The following RBM33 variants were observed in gnomAD, a reference collection of about 807,000 sequenced individuals.
The protein encoded by RBM33 is RNA-binding protein 33.
A neutral mutation model predicts 132.6 loss-of-function variants in RBM33; 28 were observed. That is an observed-to-expected ratio of 0.21 (90% confidence interval 0.16 to 0.29). RBM33 has a LOEUF of 0.29. Among genes scored for constraint, RBM33 ranks in the 10% least tolerant of loss-of-function variants. The pLI, the probability that RBM33 is intolerant of heterozygous loss-of-function variation, is 1.00. For synonymous variants in RBM33, 634 were observed against 593.0 expected (o/e 1.07, Z -1.01); for missense variants, 1,291 against 1,518.5 (o/e 0.85, Z 2.49).
At chr7:155,674,014 A>G (rs1799105749) in intron 3 of RBM33, among the ~76,000 whole-genome samples, 1 of 121,612 alleles carries the variant, frequency 8.2e-6, no homozygotes, top group African/African-American at 3.3e-5. Context: ...GTACAGTGGC[A>G]CCATCTTGGC....
At chr7:155,767,467 C>G (rs1784153558) in intron 16 of RBM33, among the ~76,000 whole-genome samples, 1 of 152,248 alleles carries the variant, frequency 6.6e-6, no homozygotes, top group African/African-American at 2.4e-5. Context: ...TGCTTTCTTT[C>G]AAGAATCTCT....
At chr7:155,654,185 A>T (rs887842981) in intron 1 of RBM33, among the ~76,000 whole-genome samples, 5 of 152,162 alleles carry the variant, frequency 3.3e-5, no homozygotes, top group African/African-American at 1.2e-4. Context: ...GATTCAAAAT[A>T]CTGATGTTTT....
At chr7:155,737,099 A>G (rs1315285125) in intron 9 of RBM33, among the ~76,000 whole-genome samples, 1 of 152,218 alleles carries the variant, frequency 6.6e-6, no homozygotes, top group Non-Finnish European at 1.5e-5. Context: ...AGGGTTGGAT[A>G]TGTTTACATC....
chr7:155,646,215 CAT>C (rs201458703), intron 1 of RBM33, among the ~76,000 whole-genome samples: 1,770 of 152,216 alleles, frequency 0.012, 19 homozygotes, highest in African/African-American at 0.018. Context: ...GGCTGAATAA[CAT>C]GTGAAGACGT....
chr7:155,769,933 G>A (rs1240240204), intron 16 of RBM33, among the ~76,000 whole-genome samples: 1 of 152,170 alleles, frequency 6.6e-6, no homozygotes, highest in Non-Finnish European at 1.5e-5. Context: ...CTGAGAACAC[G>A]GTTGTTAATC....
chr7:155,742,229 C>CTTT lies in RBM33; in HGVS notation c.2337+134_2337+136dup, dbSNP rs35396377. On this transcript the variant is annotated intron_variant, in intron 13 of 17. Coordinates refer to ENST00000401878, the MANE Select transcript of RBM33 (RefSeq NM_053043.3). ...ATCTTCCCACTTTTTTCACCTGGGTCTTTTTTTTTTTTTAACCTAACAGCC... is the reference window on the plus strand; with the variant it reads ...ATCTTCCCACTTTTTTCACCTGGGTCTTTTTTTTTTTTTTTTAACCTAACAGCC... 1,610 of 692,974 alleles carry CTTT rather than the reference C, an allele frequency of 2.3e-3. 17 individuals are homozygous for CTTT. Among genetic ancestry groups the CTTT allele is most frequent in the African/African-American group, 0.019 (1,008 of 52,176 alleles). The allele number at this position is 692,974 out of a possible 1,614,324, so 42.9% of individuals were successfully genotyped here. A position where few individuals can be genotyped will look rare whatever the true frequency, so the allele number is the denominator to read the frequency against.
intron 14 of RBM33, among the ~76,000 whole-genome samples, chr7:155,746,895 T>C (rs928254254): frequency 1.2e-4 from 18 of 152,204 alleles, no homozygotes; most frequent in Non-Finnish European, 2.1e-4. Flanking sequence ...AAATAACTTA[T>C]CTCTTTTAGT....
At chr7:155,672,434 A>G (rs933560322) in intron 2 of RBM33, among the ~76,000 whole-genome samples, 2 of 152,176 alleles carry the variant, frequency 1.3e-5, no homozygotes, top group African/African-American at 4.8e-5. Context: ...TAATAAAGAA[A>G]GAGGAAAGCA....
Position 155,669,886 on chromosome 7 carries a change from G to A in RBM33, c.123-2981G>A, listed in dbSNP as rs531226049. 6.4e-4 allele frequency among the ~76,000 whole-genome samples: 98 copies of A among 152,274 alleles called. 2 individuals are homozygous for A. In the South Asian group the frequency reaches 0.019, roughly 30 times the overall value. On this transcript the variant is annotated intron_variant, in intron 2 of 17. Transcript: ENST00000401878. ...CTACTTGGTGACGTTATGTTGGTGC[G>A]TCCCAATGGGCGAATCCATCTGGAA...
At chr7:155,673,565 C>CAT (rs372950895) in intron 3 of RBM33, among the ~76,000 whole-genome samples, 9,798 of 76,128 alleles carry the variant, frequency 0.13, 2,202 homozygotes, top group Middle Eastern at 0.16. Flanking sequence ...TATATACACA[C>CAT]ATATACATAC....
At chr7:155,690,513 A>G (rs1463369036) in intron 5 of RBM33, among the ~76,000 whole-genome samples, 1 of 152,114 alleles carries the variant, frequency 6.6e-6, no homozygotes, top group Admixed American at 6.6e-5. Context: ...TGTCATTATG[A>G]TGTTAGCTGG....
intron 5 of RBM33, among the ~76,000 whole-genome samples, chr7:155,686,058 G>T (rs925684884): frequency 6.6e-6 from 1 of 152,130 alleles, no homozygotes; most frequent in Non-Finnish European, 1.5e-5. Flanking sequence ...TTTTGTGTGT[G>T]TGTGCTTTCT....
At position 155,664,369 on chromosome 7, in the gene RBM33, A is replaced by C. The variant is rs866297508; in HGVS notation, c.44-806A>C. Among the ~76,000 whole-genome samples the C allele has an allele frequency of 4.0e-5, 6 of 151,258 alleles. 1 individual carries two copies. The highest frequency in any genetic ancestry group is 6.3e-3 in the Middle Eastern group (2 of 316). On this transcript the variant is annotated intron_variant, in intron 1 of 17. Transcript: ENST00000401878. The stretch of plus-strand genomic sequence containing the variant: ...CCGGTTCAAGCGATTCTCCTGCCTC[A>C]GCCTCCCAAGTAGCTGGGATAGCTG...
chr7:155,711,145 C>CT (rs775679918), intron 7 of RBM33, 58 bp from the exon 8 acceptor site: 1 of 1,440,120 alleles, frequency 6.9e-7, no homozygotes, highest in Admixed American at 3.0e-5. Context: ...TTTCGGTGAA[C>CT]TTTTGTTTTT....
At chr7:155,734,882 G>A (rs1243816950) in intron 9 of RBM33, among the ~76,000 whole-genome samples, 2 of 149,222 alleles carry the variant, frequency 1.3e-5, no homozygotes, top group Non-Finnish European at 3.0e-5. Flanking sequence ...GTGTCATTCT[G>A]AGAAGCATCA....
Position 155,745,849 on chromosome 7 carries a change from G to A in RBM33, c.2979+247G>A, listed in dbSNP as rs539840153. 29 of 506,178 alleles carry A rather than the reference G, an allele frequency of 5.7e-5. No homozygotes were observed. Among genetic ancestry groups the A allele is most frequent in the African/African-American group, 5.4e-4 (28 of 52,254 alleles). 31.4% of individuals were successfully genotyped at this position (506,178 alleles called of 1,614,324 possible). ...CTAGAATGTACTTCCATACACAGAC[G>A]GTACAGCCTGCTGCACACCTAGGCT... is the stretch of plus-strand genomic sequence containing the variant. On this transcript the variant is annotated intron_variant, in intron 14 of 17. Coordinates refer to ENST00000401878, the MANE Select transcript of RBM33 (RefSeq NM_053043.3). The surrounding 1 kb of genome is among the most constrained non-coding windows in gnomAD (Gnocchi z 4.1).
chr7:155,654,105 CA>C (rs1798428961), intron 1 of RBM33, among the ~76,000 whole-genome samples: 1 of 152,132 alleles, frequency 6.6e-6, no homozygotes, highest in South Asian at 2.1e-4. Context: ...TTTTAAAAAC[CA>C]AACTTATTAA....
chr7:155,756,290 A>AGTCTT (rs1801848249), intron 14 of RBM33, among the ~76,000 whole-genome samples: 4 of 152,336 alleles, frequency 2.6e-5, no homozygotes, highest in African/African-American at 9.6e-5. Flanking sequence ...TATATGCATA[A>AGTCTT]CTATAACCTT....
intron 1 of RBM33, among the ~76,000 whole-genome samples, chr7:155,652,755 C>T (rs1236119388): frequency 6.6e-6 from 1 of 152,042 alleles, no homozygotes; most frequent in Admixed American, 6.6e-5. Flanking sequence ...AATATTTTAC[C>T]CCTTGGCTTT....
Sources: gnomAD v4.1 joint callset for allele counts (sites outside exome capture counted in the v4.1 genomes callset) on GRCh38, gnomAD v4.1.1 for gene constraint, Gnocchi (gnomAD v3.1) non-coding constraint, MANE v1.5 for transcripts, NCBI Gene and HGNC (gene_info 2026-07-23, HGNC 2026-07-21) for gene names.